PKP1: variants seen among roughly 807,000 people sequenced by gnomAD.
PKP1 encodes plakophilin-1.
In PKP1, 27 loss-of-function variants were observed where a neutral mutation model predicts 76.4. The observed-to-expected ratio is 0.35, with a 90% CI of 0.26 to 0.49. The LOEUF (loss-of-function observed/expected upper bound fraction) is 0.49, where lower values mean the gene tolerates loss of function less well. Among genes scored for constraint, PKP1 ranks in the 20% least tolerant of loss-of-function variants. The pLI is 0.99. For synonymous variants in PKP1, 404 were observed against 384.2 expected, an observed-to-expected ratio of 1.05 and a Z score of -0.60; for missense variants, 964 against 955.2, an observed-to-expected ratio of 1.01 and a Z score of -0.12.
rs138199525 is a variant in PKP1 at position 201,294,520 on chromosome 1, C to T, written c.306+475C>T. ...CTAGAGTGGAGCCTCCCTGACAACC[C>T]GACACATTTGGGTTCAAATTTTAAC... On this transcript the variant is annotated intron_variant, in intron 2 of 13. Coordinates refer to ENST00000367324, the MANE Select transcript of PKP1 (RefSeq NM_001005337.3). Among the ~76,000 whole-genome samples, 289 of 152,236 alleles carry T rather than the reference C, an allele frequency of 1.9e-3. 1 individual carries two copies. Among genetic ancestry groups the T allele is most frequent in the East Asian group, 9.6e-4 (5 of 5,188 alleles).
At chr1:201,316,404 AT>A (rs1656749210) in intron 3 of PKP1, 148 bp from the exon 4 acceptor site, 1 of 730,268 alleles carries the variant, frequency 1.4e-6, no homozygotes, top group Non-Finnish European at 2.3e-6. Flanking sequence ...TCCCAGGGGT[AT>A]TCTCCAAGTG....
rs1656626649 is a variant in PKP1 at position 201,313,401 on chromosome 1, A to G, written c.542A>G (p.Gln181Arg). 6.3e-7 allele frequency: 1 copy of G among 1,586,086 alleles called. No individual in the cohort carries two copies. Among genetic ancestry groups the G allele is most frequent in the South Asian group, 1.1e-5 (1 of 87,096 alleles). Residue 181 changes from glutamine to arginine, a missense_variant, in exon 3 of 14, where the codon CAG (glutamine) becomes CGG (arginine). Physicochemically the swap from Gln to Arg is conservative, Grantham distance 43. Coordinates refer to ENST00000367324, the MANE Select transcript of PKP1 (RefSeq NM_001005337.3). ...TLGSKGQKTT[Q>R]NRYSFYSTCS... ...GGCAGCAAGGGCCAGAAGACCACCC[A>G]GAACCGCTACAGCTTTTACAGCACC...
chr1:201,327,968 A>G (rs1035796388), intron 12 of PKP1, among the ~76,000 whole-genome samples: 1 of 152,204 alleles, frequency 6.6e-6, no homozygotes, highest in African/African-American at 2.4e-5. Context: ...GGCATCATGT[A>G]ATACATGCCC....
intron 11 of PKP1, 99 bp from the exon 12 acceptor site, chr1:201,325,655 C>T (rs1657096623): frequency 1.1e-6 from 1 of 915,534 alleles, no homozygotes; most frequent in Admixed American, 1.9e-5. Flanking sequence ...GAGGCCTCCC[C>T]TGTGTCCAGG....
In PKP1 at chr1:201,313,445, A is replaced by G. The variant is rs35507614; in HGVS notation, c.586A>G (p.Ile196Val). 0.063 allele frequency: 101,268 copies of G among 1,605,972 alleles called. 4,718 individuals carry two copies. Among genetic ancestry groups the G allele is most frequent in the African/African-American group, 0.23 (17,401 of 74,840 alleles). Residue 196 changes from isoleucine (I) to valine (V), a missense_variant, in exon 3 of 14, where the codon ATA becomes GTA. Coordinates refer to ENST00000367324, the MANE Select transcript of PKP1 (RefSeq NM_001005337.3). The part of the protein sequence containing the change: ...FYSTCSGQKA[I>V]KKCPVRPPSC... The stretch of plus-strand genomic sequence containing the variant: ...CAGCACCTGCAGTGGTCAGAAGGCC[A>G]TAAAGAAGTGCCCTGTGCGCCCGCC...
At chr1:201,315,650 T>A (rs1656699514) in intron 3 of PKP1, among the ~76,000 whole-genome samples, 2 of 152,238 alleles carry the variant, frequency 1.3e-5, no homozygotes, top group Admixed American at 1.3e-4. Context: ...ATGTTCATAG[T>A]GGAGCCGGGT....
chr1:201,310,605 C>T (rs938639557), intron 2 of PKP1, among the ~76,000 whole-genome samples: 1 of 152,210 alleles, frequency 6.6e-6, no homozygotes, highest in Non-Finnish European at 1.5e-5. Context: ...AATCCAGGCC[C>T]CCTCATGGTA....
At chr1:201,309,061 TC>T (rs1376158951) in intron 2 of PKP1, among the ~76,000 whole-genome samples, 1 of 152,072 alleles carries the variant, frequency 6.6e-6, no homozygotes, top group Non-Finnish European at 1.5e-5. Context: ...CTGGAGCTTT[TC>T]CAGCTTTGGG....
chr1:201,322,982 T>A (rs1779288), intron 8 of PKP1, 31 bp from the exon 9 acceptor site: 1 of 1,611,326 alleles, frequency 6.2e-7, no homozygotes, highest in Non-Finnish European at 8.5e-7. Flanking sequence ...AGGCTCCCCA[T>A]TGACCCCCCT....
At chr1:201,329,195 A>G (rs1558198471) in intron 13 of PKP1, among the ~76,000 whole-genome samples, 1 of 152,190 alleles carries the variant, frequency 6.6e-6, no homozygotes, top group Non-Finnish European at 1.5e-5. Context: ...CAATATGGAT[A>G]ACTGGAGTTC....
At chr1:201,316,726 T>C in intron 4 of PKP1, 29 bp downstream of exon 4, 1 of 1,612,574 alleles carries the variant, frequency 6.2e-7, no homozygotes, top group Non-Finnish European at 8.5e-7. Context: ...TCCTCCTTGG[T>C]GGGCCTGCGG....
chr1:201,289,176 A>T (rs986132333), intron 1 of PKP1, among the ~76,000 whole-genome samples: 3 of 152,056 alleles, frequency 2.0e-5, no homozygotes, highest in African/African-American at 7.2e-5. Flanking sequence ...ACTCCTGCCC[A>T]CTCCGAAACA....
chr1:201,291,918 C>T (rs2102153015), intron 1 of PKP1, among the ~76,000 whole-genome samples: 1 of 152,328 alleles, frequency 6.6e-6, no homozygotes, highest in Middle Eastern at 3.4e-3. Flanking sequence ...TTGCCTCCAG[C>T]CTCTTCCTGA....
At chr1:201,305,836 C>T (rs1656352541) in intron 2 of PKP1, among the ~76,000 whole-genome samples, 1 of 152,178 alleles carries the variant, frequency 6.6e-6, no homozygotes, top group Admixed American at 6.5e-5. Flanking sequence ...CATATCAGAA[C>T]GGCCCCCTCA....
At chr1:201,328,372 G>A (rs1657212145) in intron 12 of PKP1, 3 of 340,034 alleles carry the variant, frequency 8.8e-6, no homozygotes, top group Non-Finnish European at 1.7e-5. Flanking sequence ...CTGCCCAAGA[G>A]CTCTTGTCAG....
chr1:201,303,784 A>AC (rs1249486163), intron 2 of PKP1, among the ~76,000 whole-genome samples: 1 of 152,136 alleles, frequency 6.6e-6, no homozygotes, highest in Non-Finnish European at 1.5e-5. Flanking sequence ...CCCTGGAGTC[A>AC]CCCCACAGCC....
chr1:201,291,376 C>T (rs700470), intron 1 of PKP1, among the ~76,000 whole-genome samples: 150,242 of 152,310 alleles, frequency 0.99, 74,109 homozygotes, highest in East Asian at 1. Flanking sequence ...TTGGGAACTG[C>T]AGGGCATTCT....
At chr1:201,287,801 T>C (rs932335758) in intron 1 of PKP1, among the ~76,000 whole-genome samples, 4 of 152,324 alleles carry the variant, frequency 2.6e-5, no homozygotes, top group Admixed American at 1.3e-4. Context: ...CCAATTGTTC[T>C]AGGTTTAGAA....
At chr1:201,290,386 C>T (rs1466386799) in intron 1 of PKP1, among the ~76,000 whole-genome samples, 1 of 151,952 alleles carries the variant, frequency 6.6e-6, no homozygotes, top group Non-Finnish European at 1.5e-5. Flanking sequence ...CATCCCTGCT[C>T]ATGCTGCATG....
Sources: gnomAD v4.1 joint callset for allele counts (sites outside exome capture counted in the v4.1 genomes callset) on GRCh38, gnomAD v4.1.1 for gene constraint, MANE v1.5 for transcripts, NCBI Gene and HGNC (gene_info 2026-07-23, HGNC 2026-07-21) for gene names.